SLC29A3: variants seen among roughly 807,000 people sequenced by gnomAD.
SLC29A3 encodes equilibrative nucleoside transporter 3.
In SLC29A3, 18 loss-of-function variants were observed where a neutral mutation model predicts 25.4. The ratio of observed to expected loss-of-function variants is 0.71; its 90% CI spans 0.49 to 1.05. The LOEUF (loss-of-function observed/expected upper bound fraction) is 1.05, where lower values mean the gene tolerates loss of function less well. Ranked by LOEUF, SLC29A3 falls within the 50% of genes least tolerant of loss-of-function variation. SLC29A3 has a pLI of 0.00. For missense variants in SLC29A3, 586 were observed against 609.0 expected (o/e 0.96, Z 0.40); for synonymous variants, 258 against 267.1 (o/e 0.97, Z 0.33).
intron 2 of SLC29A3, among the ~76,000 whole-genome samples, chr10:71,342,031 C>T (rs567220884): frequency 6.6e-6 from 1 of 152,250 alleles, no homozygotes; most frequent in South Asian, 2.1e-4. Flanking sequence ...TCCTATGTAA[C>T]ACCTCATGTT....
chr10:71,362,043 C>A lies in SLC29A3; in HGVS notation c.863C>A (p.Ser288Tyr). ...TCCCTCAGTGCCCCTTCGGTGGCCT[C>A]CAGATTCATTGATTCCCACACACCC... ...QDSLSAPSVASRFIDSHTPPL... is the reference protein window; with the variant it reads ...QDSLSAPSVAYRFIDSHTPPL... The change falls in exon 6 of 6, where the codon TCC (serine) becomes TAC (tyrosine). Residue 288 changes from serine to tyrosine, a missense_variant. By Grantham distance (144) the Ser-to-Tyr change is moderately radical. Coordinates refer to ENST00000373189, the MANE Select transcript of SLC29A3 (RefSeq NM_018344.6). 3 of 1,614,166 alleles carry A rather than the reference C, an allele frequency of 1.9e-6. No individual in the cohort carries two copies. Among genetic ancestry groups the A allele is most frequent in the Non-Finnish European group, 2.5e-6 (3 of 1,180,016 alleles).
At chr10:71,341,491 T>TG (rs1360474231) in intron 2 of SLC29A3, among the ~76,000 whole-genome samples, 1 of 152,090 alleles carries the variant, frequency 6.6e-6, no homozygotes, top group Admixed American at 6.6e-5. Flanking sequence ...TCCTGTCTCT[T>TG]GGGGGGTCAA....
intron 2 of SLC29A3, among the ~76,000 whole-genome samples, chr10:71,338,219 G>A (rs78905642): frequency 0.036 from 5,500 of 152,324 alleles, 134 homozygotes; most frequent in Middle Eastern, 0.092. Context: ...CCTGCCCCAT[G>A]CTGCCCACCC....
intron 2 of SLC29A3, among the ~76,000 whole-genome samples, chr10:71,324,248 C>T (rs1194434840): frequency 2.6e-5 from 4 of 152,180 alleles, no homozygotes; most frequent in African/African-American, 7.2e-5. Context: ...CTTACACAGT[C>T]AACCCTTGAA....
chr10:71,377,903 G>C (rs536069888), intron 4 of SLC29A3, among the ~76,000 whole-genome samples: 1 of 152,020 alleles, frequency 6.6e-6, no homozygotes, highest in Non-Finnish European at 1.5e-5. Flanking sequence ...TAAGCATCTT[G>C]GCCAAACTAC....
chr10:71,362,167 C>T lies in SLC29A3; in HGVS notation c.987C>T (p.Asn329=), dbSNP rs147814367. 3.9e-4 allele frequency: 623 copies of T among 1,614,158 alleles called. 4 individuals carry two copies. The highest frequency in any genetic ancestry group is 9.9e-4 in the South Asian group (90 of 91,076). Residue 329 remains asparagine (N), a synonymous_variant, in exon 6 of 6, where the codon AAC becomes AAT. Transcript: ENST00000373189. ...TCATCTACCCCGCCATCTGCACCAA[C>T]ATCGAGTCCCTCAACAAGGGTTCGG... ...TSLIYPAICT[N]IESLNKGSGS...
chr10:71,349,805 A>G (rs79663492), intron 3 of SLC29A3, among the ~76,000 whole-genome samples: 6,252 of 152,186 alleles, frequency 0.041, 169 homozygotes, highest in Non-Finnish European at 0.054. Context: ...CCCAAGACAC[A>G]TGCACTTATA....
rs972048514 is a variant in SLC29A3, at chr10:71,351,729, G to C, written c.551G>C (p.Ser184Thr). Residue 184 changes from serine (S) to threonine (T), a missense_variant, in exon 4 of 6, where the codon AGC becomes ACC. Ser to Thr is a moderately conservative substitution (Grantham distance 58, BLOSUM62 1). Transcript: ENST00000373189. ...ILSGASTVFS[S>T]SIYGMTGSFP... ...AGCGGTGCCTCCACTGTCTTCAGCA[G>C]CAGCATCTACGGCATGACCGGCTCC... 3 of 1,614,178 alleles carry C rather than the reference G, an allele frequency of 1.9e-6. No individual in the cohort carries two copies. The highest frequency in any genetic ancestry group is 1.7e-5 in the Admixed American group (1 of 60,030).
chr10:71,365,886 G>C (rs575252939), downstream of SLC29A3: 1 of 152,060 alleles, frequency 6.6e-6, no homozygotes, highest in East Asian at 1.9e-4. Context: ...AGGTAGAGGG[G>C]GTGCCTTGAG....
In SLC29A3 at chr10:71,362,340, C is replaced by T; in HGVS notation, c.1160C>T (p.Thr387Ile). Reference sequence around the variant, plus strand: ...CTCCCAGGGTTCGTGCTCCTCCGGACCTGCCTCATCCCCCTCTTCGTGCTC... The same window carrying T: ...CTCCCAGGGTTCGTGCTCCTCCGGATCTGCCTCATCCCCCTCTTCGTGCTC... ...KALPGFVLLR[T>I]CLIPLFVLCN... Residue 387 changes from threonine (T) to isoleucine (I), a missense_variant, in exon 6 of 6, where the codon ACC (threonine) becomes ATC (isoleucine). Transcript: ENST00000373189. 1.2e-6 allele frequency: 2 copies of T among 1,614,204 alleles called. No individual in the cohort carries two copies. Among genetic ancestry groups the T allele is most frequent in the Non-Finnish European group, 1.7e-6 (2 of 1,180,044 alleles).
downstream of SLC29A3, among the ~76,000 whole-genome samples, chr10:71,368,340 A>C (rs1269263346): frequency 6.6e-6 from 1 of 152,272 alleles, no homozygotes; most frequent in African/African-American, 2.4e-5. Flanking sequence ...GATCCTCAAC[A>C]AACTTGGTTT....
At chr10:71,329,733 C>CA (rs1348153224) in intron 2 of SLC29A3, among the ~76,000 whole-genome samples, 2 of 152,070 alleles carry the variant, frequency 1.3e-5, no homozygotes, top group East Asian at 3.9e-4. Flanking sequence ...AGTCTCAAAA[C>CA]AAAAAGGACT....
At chr10:71,360,806 C>T (rs2131849840) in intron 5 of SLC29A3, among the ~76,000 whole-genome samples, 1 of 152,246 alleles carries the variant, frequency 6.6e-6, no homozygotes, top group South Asian at 2.1e-4. Flanking sequence ...AGTAGAGGAG[C>T]AGTTAAATTG....
chr10:71,347,887 C>G (rs962003688), intron 3 of SLC29A3, among the ~76,000 whole-genome samples: 160 of 152,326 alleles, frequency 1.1e-3, no homozygotes, highest in African/African-American at 3.7e-3. Context: ...CCTTCCTGTT[C>G]AAGGAACTTA....
intron 2 of SLC29A3, among the ~76,000 whole-genome samples, chr10:71,343,826 G>A (rs1212188632): frequency 6.6e-6 from 1 of 152,194 alleles, no homozygotes; most frequent in African/African-American, 2.4e-5. Context: ...TTGCATTTTG[G>A]TGATAGGCCA....
intron 3 of SLC29A3, among the ~76,000 whole-genome samples, chr10:71,345,854 C>A (rs957436258): frequency 2.0e-5 from 3 of 152,192 alleles, no homozygotes; most frequent in African/African-American, 7.2e-5. Flanking sequence ...GGGAGACAGC[C>A]GTGGTGGGGG....
At chr10:71,356,039 GC>G (rs2131844116) in intron 4 of SLC29A3, 41 bp from the exon 5 acceptor site, 1 of 1,610,522 alleles carries the variant, frequency 6.2e-7, no homozygotes, top group Middle Eastern at 2.0e-4. Flanking sequence ...ACTCCTCCTC[GC>G]CCACCCCTCA....
At chr10:71,361,818 C>G in intron 5 of SLC29A3, 136 bp from the exon 6 acceptor site, 1 of 999,426 alleles carries the variant, frequency 1.0e-6, no homozygotes. Context: ...TCTCAGGGAA[C>G]GCTGGAGCTG....
chr10:71,356,307 T>TTCTCAGCAGCTTCTATGCTGGCTTCTTTG (rs1846910315), intron 5 of SLC29A3, 64 bp downstream of exon 5: 1 of 1,585,756 alleles, frequency 6.3e-7, no homozygotes, highest in East Asian at 2.2e-5. Flanking sequence ...ATGCTTCTTT[T>TTCTCAGCAGCTTCTATGCTGGCTTCTTTG]TCTCAGCAGC....
Sources: allele counts gnomAD v4.1 joint callset (sites outside exome capture counted in the v4.1 genomes callset), GRCh38; gene constraint gnomAD v4.1.1; transcripts MANE v1.5; gene names NCBI Gene and HGNC (gene_info 2026-07-23, HGNC 2026-07-21).